CASD1: variants seen among roughly 807,000 people sequenced by gnomAD.
CASD1 encodes the protein CAS1 domain sialic acid O acetyltransferase 1, also known as N-acetylneuraminate (7)9-O-acetyltransferase.
Under a neutral mutation model 100.0 loss-of-function variants are expected in CASD1, and 41 were observed. That is an observed-to-expected ratio of 0.41 (90% CI 0.32 to 0.53). The LOEUF is 0.53. CASD1 is among the 20% of genes least tolerant of loss of function. The pLI, the probability that CASD1 is intolerant of heterozygous loss-of-function variation, is 0.25. For synonymous variants in CASD1, 321 were observed against 315.6 expected (o/e 1.02, Z -0.18); for missense variants, 774 against 948.7 (o/e 0.82, Z 2.42).
At chr7:94,620,297 T>G in the CASD1 span, 1 of 152,198 alleles carries the variant, frequency 6.6e-6, no homozygotes, top group Admixed American at 6.5e-5. Context: ...TCATCACTTT[T>G]TAAAGATTTA....
intron 13 of CASD1, among the ~76,000 whole-genome samples, chr7:94,547,513 G>A (rs527305550): frequency 6.6e-6 from 1 of 151,990 alleles, no homozygotes; most frequent in South Asian, 2.1e-4. Context: ...TTTGCAGCTA[G>A]TTTGTGTATT....
chr7:94,587,570 C>G, the CASD1 span: 5 of 1,325,100 alleles, frequency 3.8e-6, no homozygotes, highest in African/African-American at 7.7e-5. Context: ...TATCTTTTTT[C>G]TCTCTTTAGG....
intron 3 of CASD1, among the ~76,000 whole-genome samples, chr7:94,526,897 A>G (rs1562936798): frequency 1.3e-5 from 2 of 152,234 alleles, no homozygotes; most frequent in South Asian, 2.1e-4. Context: ...ATGTTTATGT[A>G]TCTCCTTGTT....
the CASD1 span, chr7:94,598,995 T>G: frequency 1.3e-6 from 2 of 1,545,606 alleles, no homozygotes; most frequent in Non-Finnish European, 1.8e-6. Context: ...CAACATATAT[T>G]TAAAATCATA....
rs1032035946 is a variant in CASD1, at chr7:94,513,573, C to T, written c.133+3356C>T. Among the ~76,000 whole-genome samples, 5 of 152,270 alleles carry T rather than the reference C, an allele frequency of 3.3e-5. 1 individual carries two copies. Among genetic ancestry groups the T allele is most frequent in the Admixed American group, 1.3e-4 (2 of 15,282 alleles). On this transcript the variant is annotated intron_variant, in intron 1 of 17. Coordinates refer to ENST00000297273, the MANE Select transcript of CASD1 (RefSeq NM_022900.5). ...TAGGTTTTTCCTTCAAGGCCTGGTT[C>T]AAATGTCACACCCACAGCAGTAGGA...
chr7:94,599,002 CAT>C, the CASD1 span: 1 of 1,473,532 alleles, frequency 6.8e-7, no homozygotes, highest in Admixed American at 1.7e-5. Flanking sequence ...TATTTAAAAT[CAT>C]ATATTAGCCT....
Position 94,535,542 on chromosome 7 carries a change from T to G in CASD1, c.843+19T>G, listed in dbSNP as rs1309125379. ...AGAAACTGTGAGAAATTTTTACATA[T>G]GTCAGTAGATGGAGACTATAATATC... On this transcript the variant is annotated intron_variant, in intron 8 of 17. Transcript: ENST00000297273. The G allele has an allele frequency of 6.6e-7, 1 of 1,507,958 alleles. No individual in the cohort carries two copies. The highest frequency in any genetic ancestry group is 2.3e-5 in the East Asian group (1 of 44,308). 93.4% of individuals were successfully genotyped at this position (1,507,958 alleles called of 1,614,324 possible).
the CASD1 span, among the ~76,000 whole-genome samples, chr7:94,631,451 G>A: frequency 2.6e-5 from 4 of 151,770 alleles, no homozygotes; most frequent in African/African-American, 4.8e-5. Context: ...TTATCCCAGA[G>A]GTAAAACTGC....
chr7:94,566,634 G>C, the CASD1 span, among the ~76,000 whole-genome samples: 1 of 152,184 alleles, frequency 6.6e-6, no homozygotes, highest in African/African-American at 2.4e-5. Context: ...AGTTTAACTT[G>C]GAGGGTGCAT....
chr7:94,573,942 GTGT>G, the CASD1 span, among the ~76,000 whole-genome samples: 1 of 152,084 alleles, frequency 6.6e-6, no homozygotes, highest in Non-Finnish European at 1.5e-5. Context: ...ATATGAAGTG[GTGT>G]TGAATTTTAT....
chr7:94,530,401 T>G (rs1343716180), intron 5 of CASD1, among the ~76,000 whole-genome samples: 1 of 152,096 alleles, frequency 6.6e-6, no homozygotes, highest in Non-Finnish European at 1.5e-5. Context: ...TTACAGGGAG[T>G]TGACAAGAGA....
At chr7:94,629,374 T>C in the CASD1 span, 1 of 227,764 alleles carries the variant, frequency 4.4e-6, no homozygotes, top group Non-Finnish European at 8.8e-6. Context: ...ATGTATAGTT[T>C]TCCAAAAATC....
the CASD1 span, chr7:94,623,294 TAAG>T: frequency 7.5e-7 from 1 of 1,337,522 alleles, no homozygotes; most frequent in Non-Finnish European, 1.1e-6. Context: ...TTCTTATAAA[TAAG>T]AAATGATCAA....
chr7:94,518,096 TG>T, intron 2 of CASD1, 106 bp from the exon 3 acceptor site: 1 of 1,073,396 alleles, frequency 9.3e-7, no homozygotes, highest in Middle Eastern at 2.7e-4. Context: ...AGCAATATAA[TG>T]GTATGTGTAA....
At chr7:94,599,527 G>C in the CASD1 span, 1 of 622,746 alleles carries the variant, frequency 1.6e-6, no homozygotes, top group South Asian at 2.1e-5. Flanking sequence ...TTTAGTTTTA[G>C]TTTCTACCCC....
intron 5 of CASD1, 79 bp from the exon 6 acceptor site, chr7:94,533,126 G>GA: frequency 2.0e-6 from 2 of 1,008,730 alleles, no homozygotes; most frequent in Non-Finnish European, 2.9e-6. Flanking sequence ...ACATTTTAAG[G>GA]AAAAAAATTA....
chr7:94,539,370 T>G (rs929966964), intron 10 of CASD1, among the ~76,000 whole-genome samples: 1 of 152,148 alleles, frequency 6.6e-6, no homozygotes, highest in African/African-American at 2.4e-5. Context: ...TTTGAAGTTA[T>G]CAGGAAACTT....
the CASD1 span, chr7:94,600,975 ATTAC>A: frequency 1.2e-6 from 1 of 847,894 alleles, no homozygotes; most frequent in Non-Finnish European, 1.9e-6. Flanking sequence ...ATCTTTTCCA[ATTAC>A]TTTATCACCT....
chr7:94,601,274 G>A, the CASD1 span, among the ~76,000 whole-genome samples: 5 of 151,308 alleles, frequency 3.3e-5, no homozygotes, highest in East Asian at 7.8e-4. Flanking sequence ...AGGTATGCAC[G>A]TATGGTTTCT....
Sources: gnomAD v4.1 joint callset for allele counts (sites outside exome capture counted in the v4.1 genomes callset) on GRCh38, gnomAD v4.1.1 for gene constraint, MANE v1.5 for transcripts, NCBI Gene and HGNC (gene_info 2026-07-23, HGNC 2026-07-21) for gene names.